The following CNTNAP2 variants were observed in gnomAD, a reference collection of about 807,000 sequenced individuals.
The protein encoded by CNTNAP2 is contactin-associated protein-like 2.
Under a neutral mutation model 155.2 loss-of-function variants are expected in CNTNAP2, and 98 were observed. The observed-to-expected ratio is 0.63, with a 90% CI of 0.54 to 0.75. The LOEUF (loss-of-function observed/expected upper bound fraction) is 0.75. Among genes scored for constraint, CNTNAP2 ranks in the 30% least tolerant of loss-of-function variants. The pLI is 0.00. For missense variants in CNTNAP2, 1,727 were observed against 1,688.1 expected (o/e 1.02, Z -0.40); for synonymous variants, 651 against 631.2 (o/e 1.03, Z -0.47).
chr7:146,438,598 G>T (rs1184819221), intron 1 of CNTNAP2, among the ~76,000 whole-genome samples: 1 of 151,282 alleles, frequency 6.6e-6, no homozygotes, highest in Non-Finnish European at 1.5e-5. Context: ...GACATGGTAG[G>T]TTATTTTCAT....
At position 146,851,700 on chromosome 7, in the gene CNTNAP2, G is replaced by GTT. The variant is rs1794882818; in HGVS notation, c.402+11799_402+11800dup. Among the ~76,000 whole-genome samples the GTT allele has an allele frequency of 3.1e-5, 4 of 129,760 alleles. No individual in the cohort carries two copies. The South Asian group carries it at 9.8e-4, about 32-fold the overall frequency. The allele number at this position is 129,760 out of a possible 152,430, so 85.1% of individuals were successfully genotyped here. Reference sequence around the variant, plus strand: ...TGTGTGTGTGTGTGTGTGTGTGTGTGTTTTGATGGTATTGCTCTGTCACCC... The same window carrying GTT: ...TGTGTGTGTGTGTGTGTGTGTGTGTGTTTTTTGATGGTATTGCTCTGTCACCC... On this transcript the variant is annotated intron_variant, in intron 3 of 23. Coordinates refer to ENST00000361727, the MANE Select transcript of CNTNAP2 (RefSeq NM_014141.6).
intron 1 of CNTNAP2, among the ~76,000 whole-genome samples, chr7:146,671,707 AGATAAT>A (rs1364054201): frequency 6.6e-6 from 1 of 152,200 alleles, no homozygotes; most frequent in African/African-American, 2.4e-5. Context: ...ATAAAAATAA[AGATAAT>A]GATAATTTAG....
rs527908414 is a variant in CNTNAP2 at position 147,326,222 on chromosome 7, A to C, written c.1498+25932A>C. The stretch of plus-strand genomic sequence containing the variant: ...TACAGGCGTTAGCCACTGCGCCTGG[A>C]CACCAGCATTCTACTTGCTATCTTT... On this transcript the variant is annotated intron_variant, in intron 9 of 23. Transcript: ENST00000361727. 3.3e-5 allele frequency among the ~76,000 whole-genome samples: 5 copies of C among 152,254 alleles called. No homozygotes were observed. In the East Asian group the frequency reaches 9.7e-4, roughly 29 times the overall value.
intron 21 of CNTNAP2, among the ~76,000 whole-genome samples, chr7:148,285,724 T>C (rs1224237699): frequency 6.6e-6 from 1 of 152,234 alleles, no homozygotes; most frequent in Non-Finnish European, 1.5e-5. Flanking sequence ...CCAGGGTGGG[T>C]CTTTCTGTGC....
intron 14 of CNTNAP2, among the ~76,000 whole-genome samples, chr7:147,915,759 GT>G (rs141328707): frequency 0.085 from 12,923 of 151,392 alleles, 702 homozygotes; most frequent in East Asian, 0.21. Context: ...GCGGGCGGGG[GT>G]GAAGAAGAAG....
In CNTNAP2 at chr7:147,992,269, G is replaced by A. The variant is rs1394333589; in HGVS notation, c.2383+14280G>A. Among the ~76,000 whole-genome samples, 9 of 151,240 alleles carry A rather than the reference G, an allele frequency of 6.0e-5. No homozygotes were observed. The South Asian group carries it at 8.4e-4, about 14-fold the overall frequency. On this transcript the variant is annotated intron_variant, in intron 15 of 23. Coordinates refer to ENST00000361727, the MANE Select transcript of CNTNAP2 (RefSeq NM_014141.6). Reference sequence around the variant, plus strand: ...GCCACCACACCCAGTTAATTTCCACGCCCAGTTAATTTTTGTATTTTTAGT... The same window carrying A: ...GCCACCACACCCAGTTAATTTCCACACCCAGTTAATTTTTGTATTTTTAGT...
chr7:147,879,261 A>G (rs1383005776), intron 13 of CNTNAP2, among the ~76,000 whole-genome samples: 1 of 152,110 alleles, frequency 6.6e-6, no homozygotes. Flanking sequence ...TGGCCGGAGG[A>G]GCTGCCATCT....
intron 16 of CNTNAP2, among the ~76,000 whole-genome samples, chr7:148,126,661 A>G (rs957590592): frequency 1.9e-4 from 29 of 152,168 alleles, no homozygotes; most frequent in Admixed American, 1.3e-4. Flanking sequence ...GAGGTCATCA[A>G]TGGTGAAGAC....
intron 13 of CNTNAP2, among the ~76,000 whole-genome samples, chr7:147,841,830 G>C (rs183622063): frequency 3.3e-4 from 50 of 152,078 alleles, no homozygotes; most frequent in Middle Eastern, 6.8e-3. Context: ...TAAATATTTG[G>C]CTTCAATAAC....
chr7:148,176,559 C>A (rs1349105521), intron 18 of CNTNAP2, among the ~76,000 whole-genome samples: 1 of 152,160 alleles, frequency 6.6e-6, no homozygotes, highest in Non-Finnish European at 1.5e-5. Context: ...ATTTGACCAC[C>A]AGTTAAAGTG....
At chr7:146,637,156 T>G (rs1799613054) in intron 1 of CNTNAP2, among the ~76,000 whole-genome samples, 2 of 152,248 alleles carry the variant, frequency 1.3e-5, no homozygotes, top group Admixed American at 1.3e-4. Context: ...AGAGGAATGC[T>G]TCATAAATTC....
chr7:147,327,824 T>G (rs1478684033), intron 9 of CNTNAP2, among the ~76,000 whole-genome samples: 2 of 152,154 alleles, frequency 1.3e-5, no homozygotes, highest in Non-Finnish European at 2.9e-5. Flanking sequence ...TCATATCATG[T>G]GGTCTTTTGG....
At chr7:146,780,055 A>C (rs1802456085) in intron 2 of CNTNAP2, among the ~76,000 whole-genome samples, 1 of 152,206 alleles carries the variant, frequency 6.6e-6, no homozygotes, top group Admixed American at 6.5e-5. Context: ...GCTGGGTCAA[A>C]TGGTATTTCT....
chr7:146,995,298 T>C (rs368421562), intron 3 of CNTNAP2, among the ~76,000 whole-genome samples: 215 of 152,226 alleles, frequency 1.4e-3, no homozygotes, highest in African/African-American at 5.1e-3. Context: ...GTAATAAAAA[T>C]GAGAGCAGAT....
intron 15 of CNTNAP2, among the ~76,000 whole-genome samples, chr7:148,041,208 G>A (rs1349680250): frequency 6.6e-6 from 1 of 152,146 alleles, no homozygotes; most frequent in Non-Finnish European, 1.5e-5. Context: ...CAACCCCTCA[G>A]TAACTCCAGG....
intron 1 of CNTNAP2, among the ~76,000 whole-genome samples, chr7:146,685,927 C>A (rs1800590132): frequency 1.3e-5 from 2 of 152,064 alleles, no homozygotes; most frequent in Admixed American, 1.3e-4. Context: ...TTGATACTAG[C>A]AAATGTATTT....
chr7:146,370,337 C>A (rs2129102604), intron 1 of CNTNAP2, among the ~76,000 whole-genome samples: 1 of 149,340 alleles, frequency 6.7e-6, no homozygotes, highest in Middle Eastern at 3.5e-3. Context: ...ACTTGGGAGG[C>A]TGATGCAAGA....
chr7:146,354,473 G>T (rs1219617236), intron 1 of CNTNAP2, among the ~76,000 whole-genome samples: 1 of 147,614 alleles, frequency 6.8e-6, no homozygotes, highest in Non-Finnish European at 1.5e-5. Context: ...GGAGTGCAGT[G>T]GTGCAATGTC....
intron 8 of CNTNAP2, among the ~76,000 whole-genome samples, chr7:147,288,951 A>G (rs1226484115): frequency 6.6e-6 from 1 of 152,162 alleles, no homozygotes; most frequent in Non-Finnish European, 1.5e-5. Context: ...TACATGACAA[A>G]ATAATAATGA....
Sources: gnomAD v4.1 joint callset for allele counts (sites outside exome capture counted in the v4.1 genomes callset) on GRCh38, gnomAD v4.1.1 for gene constraint, MANE v1.5 for transcripts, NCBI Gene and HGNC (gene_info 2026-07-23, HGNC 2026-07-21) for gene names.